The following ZFPM2 variants were observed in gnomAD, a reference collection of about 807,000 sequenced individuals.
ZFPM2 encodes the protein zinc finger protein ZFPM2.
ZFPM2 carries 20 observed loss-of-function variants against 98.6 expected under a neutral mutation model. The ratio of observed to expected loss-of-function variants is 0.20; its 90% confidence interval spans 0.14 to 0.29. ZFPM2 has a LOEUF of 0.29. Ranked by LOEUF, ZFPM2 falls within the 10% of genes least tolerant of loss-of-function variation. The pLI, the probability that ZFPM2 is intolerant of heterozygous loss-of-function variation, is 1.00. For synonymous variants in ZFPM2, 518 were observed against 502.7 expected (o/e 1.03, Z -0.41); for missense variants, 1,310 against 1,388.6 (o/e 0.94, Z 0.90).
In ZFPM2 at chr8:105,339,623, T is replaced by C. The variant is rs566435730; in HGVS notation, c.40+20642T>C. Among the ~76,000 whole-genome samples the C allele has an allele frequency of 2.6e-5, 4 of 152,028 alleles. No individual in the cohort carries two copies. The East Asian group carries it at 5.8e-4, about 22-fold the overall frequency. ...TTGTGTGTCTGTTCGGATTGATAAT[T>C]CGACTGCATCTGCAAACAGACGCCC... On this transcript the variant is annotated intron_variant, in intron 1 of 7. Coordinates refer to ENST00000407775, the MANE Select transcript of ZFPM2 (RefSeq NM_012082.4).
intron 5 of ZFPM2, among the ~76,000 whole-genome samples, chr8:105,636,331 A>C (rs1586165429): frequency 6.6e-6 from 1 of 152,248 alleles, no homozygotes; most frequent in East Asian, 1.9e-4. Flanking sequence ...AATTAATAGA[A>C]GCTTATTAAT....
chr8:105,370,921 G>A (rs1258812546), intron 1 of ZFPM2, among the ~76,000 whole-genome samples: 2 of 152,186 alleles, frequency 1.3e-5, no homozygotes, highest in South Asian at 2.1e-4. Flanking sequence ...TGTACACACA[G>A]CAGCAGTTGT....
chr8:105,630,026 A>G (rs13278873), intron 4 of ZFPM2, among the ~76,000 whole-genome samples: 30,501 of 152,090 alleles, frequency 0.2, 3,085 homozygotes, highest in South Asian at 0.26. Context: ...GGGGTTTAGG[A>G]AATAGGCATC....
chr8:105,386,568 C>A (rs1030670339), intron 1 of ZFPM2, among the ~76,000 whole-genome samples: 2 of 152,072 alleles, frequency 1.3e-5, no homozygotes, highest in Non-Finnish European at 2.9e-5. Context: ...AGCTGCAGAC[C>A]TTTTCGGTGA....
At chr8:105,412,753 A>G (rs573470425) in intron 1 of ZFPM2, among the ~76,000 whole-genome samples, 82 of 151,766 alleles carry the variant, frequency 5.4e-4, no homozygotes, top group African/African-American at 1.9e-3. Context: ...ATGGGTTTGC[A>G]CTGTCCAAAG....
intron 3 of ZFPM2, among the ~76,000 whole-genome samples, chr8:105,470,405 A>G (rs908148776): frequency 4.6e-5 from 7 of 152,324 alleles, no homozygotes; most frequent in Middle Eastern, 3.4e-3. Context: ...GGAATATGAG[A>G]TATCTTCATA....
chr8:105,622,223 T>G (rs537535620), intron 4 of ZFPM2, among the ~76,000 whole-genome samples: 2 of 152,242 alleles, frequency 1.3e-5, no homozygotes, highest in South Asian at 4.1e-4. Context: ...CACTGGTATT[T>G]CCAATCAGCA....
chr8:105,416,394 T>C lies in ZFPM2; in HGVS notation c.41-2750T>C, dbSNP rs1811680225. Among the ~76,000 whole-genome samples the C allele has an allele frequency of 2.0e-5, 3 of 151,808 alleles. No homozygotes were observed. In the South Asian group the frequency reaches 6.2e-4, roughly 32 times the overall value. On this transcript the variant is annotated intron_variant, in intron 1 of 7. Transcript: ENST00000407775. ...AAATCCTCTTCTAAAAAAGTACCTATGTCTAGAATTTCATTTTGTAAAAGG... is the reference window on the plus strand; with the variant it reads ...AAATCCTCTTCTAAAAAAGTACCTACGTCTAGAATTTCATTTTGTAAAAGG...
intron 5 of ZFPM2, among the ~76,000 whole-genome samples, chr8:105,643,176 A>C (rs1816979022): frequency 6.6e-6 from 1 of 152,154 alleles, no homozygotes; most frequent in Non-Finnish European, 1.5e-5. Flanking sequence ...CAAAACCAGG[A>C]CTTACGTGTC....
intron 1 of ZFPM2, among the ~76,000 whole-genome samples, chr8:105,367,008 C>T (rs1251694488): frequency 1.4e-5 from 2 of 139,338 alleles, no homozygotes; most frequent in African/African-American, 5.6e-5. Flanking sequence ...TTGTTTTTGT[C>T]AGGTTTGTCA....
chr8:105,505,144 AT>A (rs1481822621), intron 3 of ZFPM2, among the ~76,000 whole-genome samples: 1 of 152,094 alleles, frequency 6.6e-6, no homozygotes, highest in East Asian at 1.9e-4. Flanking sequence ...TGAGCCTTCG[AT>A]TTTCAGCTGT....
In ZFPM2 at chr8:105,351,373, G is replaced by GTC. The variant is rs1313941098; in HGVS notation, c.40+32393_40+32394insCT. ...TTATTTCGTGTGTGTGTGTGTGTGT[G>GTC]TGTGTGTGTTTGTGTGTGTGTGTGT... is the stretch of plus-strand genomic sequence containing the variant. On this transcript the variant is annotated intron_variant, in intron 1 of 7. Transcript: ENST00000407775. 3.3e-5 allele frequency among the ~76,000 whole-genome samples: 5 copies of GTC among 151,140 alleles called. No homozygotes were observed. In the East Asian group the frequency reaches 9.7e-4, roughly 29 times the overall value.
chr8:105,710,077 T>A (rs1408855797), intron 5 of ZFPM2, among the ~76,000 whole-genome samples: 1 of 151,182 alleles, frequency 6.6e-6, no homozygotes, highest in Non-Finnish European at 1.5e-5. Flanking sequence ...TCTTTAGCCA[T>A]TATTTAGTCT....
intron 3 of ZFPM2, among the ~76,000 whole-genome samples, chr8:105,480,368 C>T (rs1230628970): frequency 1.3e-5 from 2 of 152,210 alleles, no homozygotes; most frequent in Non-Finnish European, 2.9e-5. Context: ...GCCACTTACA[C>T]GGAGGTTATA....
intron 1 of ZFPM2, chr8:105,418,571 A>G (rs372888315): frequency 1.7e-5 from 9 of 517,870 alleles, no homozygotes; most frequent in Admixed American, 3.9e-5. Flanking sequence ...TCAATTAATT[A>G]TGAATAGGGT....
chr8:105,457,423 A>C (rs547997592), intron 3 of ZFPM2, among the ~76,000 whole-genome samples: 1 of 152,358 alleles, frequency 6.6e-6, no homozygotes, highest in Non-Finnish European at 1.5e-5. Flanking sequence ...AGAACTATGC[A>C]GTAGGCTCCC....
chr8:105,468,306 G>C (rs1812832178), intron 3 of ZFPM2, among the ~76,000 whole-genome samples: 1 of 151,894 alleles, frequency 6.6e-6, no homozygotes, highest in Non-Finnish European at 1.5e-5. Context: ...AATTGCACTT[G>C]TGGCCATTAC....
At chr8:105,650,338 C>A (rs1817145417) in intron 5 of ZFPM2, among the ~76,000 whole-genome samples, 1 of 152,064 alleles carries the variant, frequency 6.6e-6, no homozygotes, top group South Asian at 2.1e-4. Flanking sequence ...CTCCTGGATT[C>A]ATTGATTTTT....
chr8:105,745,764 G>C (rs1216754507), intron 5 of ZFPM2, among the ~76,000 whole-genome samples: 1 of 151,984 alleles, frequency 6.6e-6, no homozygotes, highest in Non-Finnish European at 1.5e-5. Context: ...AAATAACAGA[G>C]TTTCTTTCGT....
Sources: gnomAD v4.1 joint callset for allele counts (sites outside exome capture counted in the v4.1 genomes callset) on GRCh38, gnomAD v4.1.1 for gene constraint, MANE v1.5 for transcripts, NCBI Gene and HGNC (gene_info 2026-07-23, HGNC 2026-07-21) for gene names.